Variants in MAPKAPK2 observed in about 807,000 individuals in gnomAD.
The protein encoded by MAPKAPK2 is MAPK activated protein kinase 2.
A neutral mutation model predicts 48.8 loss-of-function variants in MAPKAPK2; 9 were observed. That is an observed-to-expected ratio of 0.18 (90% CI 0.11 to 0.32). The LOEUF (loss-of-function observed/expected upper bound fraction) is 0.32, where lower values mean the gene tolerates loss of function less well. Among genes scored for constraint, MAPKAPK2 ranks in the 10% least tolerant of loss-of-function variants. The pLI is 1.00. For missense variants in MAPKAPK2, 331 were observed against 498.3 expected (o/e 0.66, Z 3.20); for synonymous variants, 202 against 190.6 (o/e 1.06, Z -0.49).
Position 206,732,891 on chromosome 1 carries a change from G to GGA in MAPKAPK2, c.*177_*178dup. On this transcript the variant is annotated 3_prime_UTR_variant, in exon 10 of 10. Transcript: ENST00000367103. This position sits in a 1 kb window ranked among gnomAD's most constrained non-coding sequence, Gnocchi z 4.4. Reference sequence around the variant, plus strand: ...CCTTGGTTCTGGCCACCCCAGAGTGGGAGAGGCTGGGAGGTTGGGAGGCTG... The same window carrying GGA: ...CCTTGGTTCTGGCCACCCCAGAGTGGGAGAGAGGCTGGGAGGTTGGGAGGCTG... The GGA allele has an allele frequency of 1.4e-6, 1 of 697,086 alleles. No individual in the cohort carries two copies. Among genetic ancestry groups the GGA allele is most frequent in the Admixed American group, 3.1e-5 (1 of 32,500 alleles). 43.2% of individuals were successfully genotyped at this position (697,086 alleles called of 1,614,324 possible).
At chr1:206,707,938 T>TA (rs1673016735) in intron 1 of MAPKAPK2, among the ~76,000 whole-genome samples, 2 of 151,986 alleles carry the variant, frequency 1.3e-5, no homozygotes, top group South Asian at 2.1e-4. Flanking sequence ...GATTCCTGTC[T>TA]AAAAAAAATG....
At chr1:206,712,143 A>G (rs1673177159) in intron 1 of MAPKAPK2, among the ~76,000 whole-genome samples, 1 of 152,230 alleles carries the variant, frequency 6.6e-6, no homozygotes, top group Admixed American at 6.5e-5. Context: ...CCTTGCAATC[A>G]CAATGCTTTA....
At chr1:206,713,163 A>C (rs1246882776) in intron 1 of MAPKAPK2, among the ~76,000 whole-genome samples, 2 of 152,218 alleles carry the variant, frequency 1.3e-5, no homozygotes, top group African/African-American at 4.8e-5. Context: ...CACAGTGAAA[A>C]GAGAAACCGT....
chr1:206,731,790 C>T lies in MAPKAPK2; in HGVS notation c.979-49C>T. Reference sequence around the variant, plus strand: ...CTATTCCACAGGACAGAGTCTTAGCCAGGACCCTACCCCAGGCTTTCACTC... The same window carrying T: ...CTATTCCACAGGACAGAGTCTTAGCTAGGACCCTACCCCAGGCTTTCACTC... On this transcript the variant is annotated intron_variant, in intron 8 of 9. Transcript: ENST00000367103. This position sits in a 1 kb window ranked among gnomAD's most constrained non-coding sequence, Gnocchi z 5.9. 6.2e-7 allele frequency: 1 copy of T among 1,611,530 alleles called. No homozygotes were observed. Among genetic ancestry groups the T allele is most frequent in the Non-Finnish European group, 8.5e-7 (1 of 1,177,644 alleles).
intron 1 of MAPKAPK2, among the ~76,000 whole-genome samples, chr1:206,685,736 C>T (rs1672269549): frequency 6.6e-6 from 1 of 151,142 alleles, no homozygotes; most frequent in South Asian, 2.1e-4. Flanking sequence ...AGCCCTGGGA[C>T]CCGCTCCTGG....
intron 1 of MAPKAPK2, among the ~76,000 whole-genome samples, chr1:206,698,044 G>T (rs1553427319): frequency 6.6e-6 from 1 of 152,262 alleles, no homozygotes; most frequent in African/African-American, 2.4e-5. Context: ...GAAACAAGTG[G>T]TCGGCCTGGG....
At chr1:206,724,550 T>C (rs1673645103) in intron 1 of MAPKAPK2, among the ~76,000 whole-genome samples, 1 of 65,512 alleles carries the variant, frequency 1.5e-5, no homozygotes, top group South Asian at 4.7e-4. Context: ...TGACCAGTCC[T>C]TTTTTTTTTT....
At position 206,731,931 on chromosome 1, in the gene MAPKAPK2, C is replaced by T; in HGVS notation, c.1059+12C>T. On this transcript the variant is annotated intron_variant, in intron 9 of 9. Transcript: ENST00000367103. This position sits in a 1 kb window ranked among gnomAD's most constrained non-coding sequence, Gnocchi z 5.9. ...GGGAGGATGTCAAGGTGAGGGGCACCACTGGGTGAGAGGGGCTCCAGGTGG... is the reference window on the plus strand; with the variant it reads ...GGGAGGATGTCAAGGTGAGGGGCACTACTGGGTGAGAGGGGCTCCAGGTGG... 1 of 1,614,120 alleles carries T rather than the reference C, an allele frequency of 6.2e-7. No individual in the cohort carries two copies. The highest frequency in any genetic ancestry group is 8.5e-7 in the Non-Finnish European group (1 of 1,180,006).
At position 206,694,524 on chromosome 1, in the gene MAPKAPK2, G is replaced by T. The variant is rs1216627154; in HGVS notation, c.279+9016G>T. On this transcript the variant is annotated intron_variant, in intron 1 of 9. Coordinates refer to ENST00000367103, the MANE Select transcript of MAPKAPK2 (RefSeq NM_032960.4). ...CATACCCTCTGTCTTTCCCTATCCC[G>T]ACTGCCTTCCTTGGCTTCTGTGATT... is the stretch of plus-strand genomic sequence containing the variant. 3.3e-5 allele frequency among the ~76,000 whole-genome samples: 5 copies of T among 152,176 alleles called. No homozygotes were observed. The South Asian group carries it at 1.0e-3, about 31-fold the overall frequency.
At position 206,733,032 on chromosome 1, in the gene MAPKAPK2, C is replaced by T. The variant is rs1553433030; in HGVS notation, c.*314C>T. 3.3e-6 allele frequency: 1 copy of T among 306,394 alleles called. No individual in the cohort carries two copies. Among genetic ancestry groups the T allele is most frequent in the Non-Finnish European group, 6.1e-6 (1 of 162,640 alleles). 19.0% of individuals were successfully genotyped at this position (306,394 alleles called of 1,614,324 possible). A position where few individuals can be genotyped will look rare whatever the true frequency, so the allele number is the denominator to read the frequency against. ...GTTGTCCTTGCCCCACTCCTCTCCA[C>T]CAGACGCCTTCCTCTCTGGATACTG... is the stretch of plus-strand genomic sequence containing the variant. On this transcript the variant is annotated 3_prime_UTR_variant, in exon 10 of 10. Transcript: ENST00000367103.
At chr1:206,728,679 G>T (rs535630460) in intron 1 of MAPKAPK2, 31 bp from the exon 2 acceptor site, 1 of 1,605,740 alleles carries the variant, frequency 6.2e-7, no homozygotes, top group African/African-American at 1.3e-5. Context: ...ATGTGACAGC[G>T]CAGTTACTCA....
chr1:206,701,372 T>C (rs1285306121), intron 1 of MAPKAPK2, among the ~76,000 whole-genome samples: 1 of 152,210 alleles, frequency 6.6e-6, no homozygotes, highest in African/African-American at 2.4e-5. Flanking sequence ...GAACATTTTA[T>C]CATCACAGAA....
chr1:206,731,603 C>T lies in MAPKAPK2; in HGVS notation c.893-37C>T, dbSNP rs782703062. On this transcript the variant is annotated intron_variant, in intron 7 of 9. Transcript: ENST00000367103. The surrounding 1 kb of genome is among the most constrained non-coding windows in gnomAD (Gnocchi z 5.9). ...GAAAGGAGCAGGCCAGGGAGAGTGA[C>T]CCCTGAGCTGTCACTGCCCCCTGTC... The T allele has an allele frequency of 6.6e-7, 1 of 1,521,912 alleles. No homozygotes were observed. Among genetic ancestry groups the T allele is most frequent in the Non-Finnish European group, 9.1e-7 (1 of 1,096,136 alleles). 94.3% of individuals were successfully genotyped at this position (1,521,912 alleles called of 1,614,324 possible). A position where few individuals can be genotyped will look rare whatever the true frequency, so the allele number is the denominator to read the frequency against.
chr1:206,702,431 A>G (rs17014461), intron 1 of MAPKAPK2, among the ~76,000 whole-genome samples: 6,148 of 152,240 alleles, frequency 0.04, 272 homozygotes, highest in African/African-American at 0.11. Context: ...TCCAATTGTC[A>G]GGCCTTGCTG....
Position 206,731,735 on chromosome 1 carries a change from G to T in MAPKAPK2, c.978+10G>T, listed in dbSNP as rs782332601. ...CCACCCTTGGATCATGGTAAGCTCG[G>T]CAGGCTGGGGAGCCTTGGGTCTCAC... On this transcript the variant is annotated intron_variant, in intron 8 of 9. Transcript: ENST00000367103. This position sits in a 1 kb window ranked among gnomAD's most constrained non-coding sequence, Gnocchi z 5.9. 30 of 1,613,618 alleles carry T rather than the reference G, an allele frequency of 1.9e-5. No homozygotes were observed. The highest frequency in any genetic ancestry group is 8.3e-5 in the Admixed American group (5 of 60,004).
At position 206,731,895 on chromosome 1, in the gene MAPKAPK2, C is replaced by T. The variant is rs782491525; in HGVS notation, c.1035C>T (p.Asp345=). 3 of 1,614,084 alleles carry T rather than the reference C, an allele frequency of 1.9e-6. No homozygotes were observed. The Admixed American group carries it at 5.0e-5, about 27-fold the overall frequency. The change falls in exon 9 of 10, where the codon GAC becomes GAT. Residue 345 remains aspartate (D), a synonymous_variant. Coordinates refer to ENST00000367103, the MANE Select transcript of MAPKAPK2 (RefSeq NM_032960.4). The surrounding 1 kb of genome is among the most constrained non-coding windows in gnomAD (Gnocchi z 5.9). Reference sequence around the variant, plus strand: ...ACACCAGCCGGGTCCTGAAGGAGGACAAGGAGCGGTGGGAGGATGTCAAGG... The same window carrying T: ...ACACCAGCCGGGTCCTGAAGGAGGATAAGGAGCGGTGGGAGGATGTCAAGG... The part of the protein sequence containing the change: ...PLHTSRVLKE[D]KERWEDVKEE...
intron 4 of MAPKAPK2, among the ~76,000 whole-genome samples, chr1:206,729,702 G>A (rs868913276): frequency 2.0e-5 from 3 of 152,148 alleles, no homozygotes; most frequent in African/African-American, 7.2e-5. Context: ...TCCTCAGGCA[G>A]AACCCCTCAG....
intron 1 of MAPKAPK2, among the ~76,000 whole-genome samples, chr1:206,690,033 TG>T (rs1251496333): frequency 3.3e-5 from 5 of 151,906 alleles, no homozygotes; most frequent in African/African-American, 1.2e-4. Flanking sequence ...CTGTGAGAGG[TG>T]TGGTGACATT....
chr1:206,712,965 C>CACACACACAA (rs1307336497), intron 1 of MAPKAPK2, among the ~76,000 whole-genome samples: 15 of 135,156 alleles, frequency 1.1e-4, no homozygotes, highest in African/African-American at 4.0e-4. Context: ...GACTCCATCA[C>CACACACACAA]ACACACACAC....
Sources: gnomAD v4.1 joint callset for allele counts (sites outside exome capture counted in the v4.1 genomes callset) on GRCh38, gnomAD v4.1.1 for gene constraint, Gnocchi (gnomAD v3.1) non-coding constraint, MANE v1.5 for transcripts, NCBI Gene and HGNC (gene_info 2026-07-23, HGNC 2026-07-21) for gene names.